The following SCAPER variants were observed in gnomAD, a reference collection of about 807,000 sequenced individuals.
SCAPER encodes the protein S-phase cyclin A associated protein in the ER.
SCAPER carries 98 observed loss-of-function variants against 182.2 expected under a neutral mutation model. The ratio of observed to expected loss-of-function variants is 0.54; its 90% CI spans 0.46 to 0.64. SCAPER has a LOEUF of 0.64. Ranked by LOEUF, SCAPER falls within the 30% of genes least tolerant of loss-of-function variation. The pLI is 0.00. For synonymous variants in SCAPER, 605 were observed against 564.6 expected (o/e 1.07, Z -1.01); for missense variants, 1,432 against 1,690.0 (o/e 0.85, Z 2.68).
chr15:76,825,084 C>T (rs1291847871), intron 5 of SCAPER, among the ~76,000 whole-genome samples: 2 of 152,144 alleles, frequency 1.3e-5, no homozygotes, highest in Non-Finnish European at 2.9e-5. Flanking sequence ...AATTCAAATC[C>T]CTCATAGATG....
At chr15:76,786,886 A>T (rs866298527) in intron 8 of SCAPER, among the ~76,000 whole-genome samples, 1 of 152,188 alleles carries the variant, frequency 6.6e-6, no homozygotes, top group African/African-American at 2.4e-5. Context: ...TAAAACTTAT[A>T]ATCGCAAAAA....
chr15:76,371,609 T>G (rs942645649), intron 29 of SCAPER, among the ~76,000 whole-genome samples: 1 of 149,206 alleles, frequency 6.7e-6, no homozygotes, highest in Non-Finnish European at 1.5e-5. Context: ...TGAGCCACCA[T>G]GCCTGGCTTA....
rs111949746 is a variant in SCAPER, at chr15:76,412,231, T to C, written c.3312-7552A>G. ...GAGGTTGTGGGGGAAGGAGGAATGA[T>C]AGATGGGGTTATATGATACTGTACT... On this transcript the variant is annotated intron_variant, in intron 26 of 31. Transcript: ENST00000563290. 8.5e-3 allele frequency among the ~76,000 whole-genome samples: 1,292 copies of C among 152,224 alleles called. 17 individuals are homozygous for C. The highest frequency in any genetic ancestry group is 0.029 in the African/African-American group (1,203 of 41,552).
rs545593378 is a variant in SCAPER at position 76,593,272 on chromosome 15, C to T, written c.2712-18988G>A. 3.2e-4 allele frequency among the ~76,000 whole-genome samples: 39 copies of T among 121,398 alleles called. 2 individuals carry two copies. The highest frequency in any genetic ancestry group is 9.6e-4 in the African/African-American group (38 of 39,760). The allele number at this position is 121,398 out of a possible 152,430, so 79.6% of individuals were successfully genotyped here. ...GCTATAGCCAGACTGCCTCTCTAGA[C>T]TCCTCCTCTCTGGCCAGGGCATATC... On this transcript the variant is annotated intron_variant, in intron 22 of 31. Coordinates refer to ENST00000563290, the MANE Select transcript of SCAPER (RefSeq NM_020843.4).
intron 2 of SCAPER, among the ~76,000 whole-genome samples, chr15:76,873,995 C>T (rs1366587789): frequency 1.3e-5 from 2 of 151,810 alleles, no homozygotes; most frequent in Admixed American, 6.6e-5. Flanking sequence ...CGGGTTCCAG[C>T]GATTCTCCTG....
At position 76,574,196 on chromosome 15, in the gene SCAPER, G is replaced by A. The variant is rs894705067; in HGVS notation, c.2800C>T (p.Arg934Trp). ...WANNKVSALD[R>W]TLGEITRILE... ...ATTCTAGTGATCTCTCCTAGGGTCC[G>A]ATCCAAAGCAGACACTTTATTGTTT... The change falls in exon 23 of 32, where the codon CGG becomes TGG. Residue 934 changes from arginine (R) to tryptophan (W), a missense_variant. Arg to Trp is a moderately radical substitution (Grantham distance 101). Transcript: ENST00000563290. 3.7e-6 allele frequency: 6 copies of A among 1,609,530 alleles called. No homozygotes were observed. The highest frequency in any genetic ancestry group is 1.3e-5 in the African/African-American group (1 of 74,850).
At chr15:76,840,648 G>C (rs762124026) in intron 5 of SCAPER, among the ~76,000 whole-genome samples, 5 of 152,024 alleles carry the variant, frequency 3.3e-5, no homozygotes, top group Non-Finnish European at 7.4e-5. Flanking sequence ...TATTTCAAAG[G>C]TTAAATAATG....
At chr15:76,385,558 C>T (rs2043237021) in intron 27 of SCAPER, among the ~76,000 whole-genome samples, 1 of 152,078 alleles carries the variant, frequency 6.6e-6, no homozygotes, top group African/African-American at 2.4e-5. Flanking sequence ...ATTGTCTCCC[C>T]CAATGATGGA....
intron 15 of SCAPER, among the ~76,000 whole-genome samples, chr15:76,749,115 A>C (rs1262975687): frequency 9.2e-5 from 14 of 152,092 alleles, no homozygotes; most frequent in Admixed American, 9.2e-4. Flanking sequence ...AATTCCTAAA[A>C]TTTTAGCAAA....
At chr15:76,692,731 G>A (rs183030674) in intron 20 of SCAPER, among the ~76,000 whole-genome samples, 63 of 143,442 alleles carry the variant, frequency 4.4e-4, no homozygotes, top group Non-Finnish European at 7.5e-4. Context: ...AAAAGGAAAG[G>A]AAAGGAAAGG....
intron 17 of SCAPER, among the ~76,000 whole-genome samples, chr15:76,709,226 G>T (rs1445694039): frequency 6.6e-6 from 1 of 152,094 alleles, no homozygotes; most frequent in Non-Finnish European, 1.5e-5. Context: ...CCACCTCCAG[G>T]GTTCAAGCGA....
chr15:76,589,171 A>G (rs2048918668), intron 22 of SCAPER, among the ~76,000 whole-genome samples: 1 of 152,072 alleles, frequency 6.6e-6, no homozygotes, highest in African/African-American at 2.4e-5. Flanking sequence ...GTCGTTTAAT[A>G]CACTAGTTTT....
Position 76,665,634 on chromosome 15 carries a change from T to C in SCAPER, c.2645+19A>G. The C allele has an allele frequency of 1.3e-6, 2 of 1,567,704 alleles. No individual in the cohort carries two copies. The highest frequency in any genetic ancestry group is 1.7e-6 in the Non-Finnish European group (2 of 1,164,436). On this transcript the variant is annotated intron_variant, in intron 21 of 31. Transcript: ENST00000563290. Reference sequence around the variant, plus strand: ...ATCACTAAAAGTTTTTCTTTTGCTTTTAAGGGTATTTAAGGTACCTGAAGT... The same window carrying C: ...ATCACTAAAAGTTTTTCTTTTGCTTCTAAGGGTATTTAAGGTACCTGAAGT...
intron 5 of SCAPER, among the ~76,000 whole-genome samples, chr15:76,839,522 C>T (rs2069255956): frequency 6.6e-6 from 1 of 152,162 alleles, no homozygotes; most frequent in African/African-American, 2.4e-5. Flanking sequence ...TCTTACATCA[C>T]CACCTGTAAG....
intron 23 of SCAPER, among the ~76,000 whole-genome samples, chr15:76,511,573 TC>T (rs1488659408): frequency 6.6e-6 from 1 of 152,140 alleles, no homozygotes; most frequent in Non-Finnish European, 1.5e-5. Context: ...CCAGGATCCT[TC>T]CTCTCTTGTA....
chr15:76,611,220 A>G (rs2050951032), intron 22 of SCAPER, among the ~76,000 whole-genome samples: 1 of 152,184 alleles, frequency 6.6e-6, no homozygotes, highest in Non-Finnish European at 1.5e-5. Flanking sequence ...ATGCAAAAAA[A>G]TGAAATCGAA....
At chr15:76,644,287 A>G (rs1268458797) in intron 21 of SCAPER, among the ~76,000 whole-genome samples, 6 of 152,196 alleles carry the variant, frequency 3.9e-5, no homozygotes, top group African/African-American at 1.4e-4. Flanking sequence ...TTAATTTGCA[A>G]AAAGGTAAAA....
At chr15:76,391,862 G>A (rs1381204730) in intron 27 of SCAPER, among the ~76,000 whole-genome samples, 1 of 152,192 alleles carries the variant, frequency 6.6e-6, no homozygotes. Context: ...CAAATACCAA[G>A]TAAGTGGCAT....
intron 22 of SCAPER, among the ~76,000 whole-genome samples, chr15:76,621,491 G>A (rs1391568686): frequency 6.6e-6 from 1 of 152,146 alleles, no homozygotes; most frequent in Admixed American, 6.6e-5. Context: ...CTTTGTGAGG[G>A]TTGTCTTATA....
Sources: allele counts gnomAD v4.1 joint callset (sites outside exome capture counted in the v4.1 genomes callset), GRCh38; gene constraint gnomAD v4.1.1; transcripts MANE v1.5; gene names NCBI Gene and HGNC (gene_info 2026-07-23, HGNC 2026-07-21).